The following NEK10 variants were observed in gnomAD, a reference collection of about 807,000 sequenced individuals.
The protein encoded by NEK10 is NIMA related kinase 10.
NEK10 carries 122 observed loss-of-function variants against 159.8 expected under a neutral mutation model. The observed-to-expected ratio is 0.76, with a 90% CI of 0.66 to 0.89. NEK10 has a LOEUF of 0.89. Ranked by LOEUF, NEK10 falls within the 40% of genes least tolerant of loss-of-function variation. The probability of loss-of-function intolerance (pLI) is 0.00; values close to 1 mark genes in which losing one functional copy is unlikely to be tolerated. For synonymous variants in NEK10, 466 were observed against 457.1 expected (o/e 1.02, Z -0.25); for missense variants, 1,342 against 1,323.1 (o/e 1.01, Z -0.22).
At chr3:27,325,742 G>C (rs1252367355) in intron 5 of NEK10, among the ~76,000 whole-genome samples, 1 of 152,074 alleles carries the variant, frequency 6.6e-6, no homozygotes, top group Admixed American at 6.5e-5. Context: ...TTATACTCCT[G>C]AGTGCTCATT....
intron 23 of NEK10, among the ~76,000 whole-genome samples, chr3:27,243,857 G>C (rs866141399): frequency 0.028 from 3,859 of 135,726 alleles, 170 homozygotes; most frequent in African/African-American, 0.094. Flanking sequence ...GTGTGTGTGT[G>C]TGTGTGTCTG....
intron 30 of NEK10, among the ~76,000 whole-genome samples, chr3:27,145,974 T>C (rs758213110): frequency 3.9e-5 from 6 of 152,202 alleles, no homozygotes; most frequent in Non-Finnish European, 8.8e-5. Flanking sequence ...AAGGCGCCTC[T>C]GGTTACTGCA....
chr3:27,328,846 G>A (rs1432478329), intron 5 of NEK10, among the ~76,000 whole-genome samples: 4 of 152,184 alleles, frequency 2.6e-5, no homozygotes, highest in African/African-American at 9.6e-5. Context: ...TGATGGGGAA[G>A]ACTAAAACTG....
At chr3:27,364,924 C>G (rs2048951485) in intron 1 of NEK10, among the ~76,000 whole-genome samples, 1 of 152,184 alleles carries the variant, frequency 6.6e-6, no homozygotes, top group Non-Finnish European at 1.5e-5. Context: ...GGTAGCTACC[C>G]TTACTGTCCC....
At position 27,130,547 on chromosome 3, in the gene NEK10, T is replaced by C. The variant is rs116592047; in HGVS notation, c.3081+1333A>G. Among the ~76,000 whole-genome samples the C allele has an allele frequency of 4.7e-3, 716 of 152,292 alleles. 6 individuals carry two copies. The highest frequency in any genetic ancestry group is 0.016 in the African/African-American group (680 of 41,568). On this transcript the variant is annotated intron_variant, in intron 32 of 35. Transcript: ENST00000691995. Reference sequence around the variant, plus strand: ...TGATGGAAAATCACTCAGTGGGAGTTGAAGCCACCTTTATGTCTCAGACAG... The same window carrying C: ...TGATGGAAAATCACTCAGTGGGAGTCGAAGCCACCTTTATGTCTCAGACAG...
intron 5 of NEK10, among the ~76,000 whole-genome samples, chr3:27,324,748 A>G (rs1424261266): frequency 6.6e-6 from 1 of 151,664 alleles, no homozygotes; most frequent in African/African-American, 2.4e-5. Context: ...CATTCACGTC[A>G]CTCCTCAGCC....
intron 25 of NEK10, among the ~76,000 whole-genome samples, chr3:27,194,914 A>G (rs906901606): frequency 6.6e-6 from 1 of 152,194 alleles, no homozygotes; most frequent in African/African-American, 2.4e-5. Context: ...AAAAAAATAT[A>G]TTTATTTTCT....
intron 25 of NEK10, 27 bp from the exon 26 acceptor site, chr3:27,192,269 A>T: frequency 6.4e-7 from 1 of 1,562,354 alleles, no homozygotes; most frequent in Non-Finnish European, 8.8e-7. Flanking sequence ...TAATTATAAC[A>T]CTCTGGTCAA....
chr3:27,256,907 T>A (rs1956240927), intron 22 of NEK10, among the ~76,000 whole-genome samples: 1 of 141,984 alleles, frequency 7.0e-6, no homozygotes, highest in Non-Finnish European at 1.5e-5. Flanking sequence ...TTCTCTTTTT[T>A]CTCTCTTTTT....
chr3:27,258,089 C>G (rs1426108123), intron 22 of NEK10, among the ~76,000 whole-genome samples: 3 of 152,114 alleles, frequency 2.0e-5, no homozygotes, highest in African/African-American at 7.2e-5. Flanking sequence ...AGCCTCCATG[C>G]CCGGCCTCCA....
chr3:27,158,602 A>G (rs894280905), intron 30 of NEK10, among the ~76,000 whole-genome samples: 6 of 152,228 alleles, frequency 3.9e-5, no homozygotes, highest in Admixed American at 3.9e-4. Context: ...ATAAAGTGAC[A>G]ATTTCTATTC....
At chr3:27,350,692 G>C (rs1264793307) in intron 3 of NEK10, among the ~76,000 whole-genome samples, 2 of 152,036 alleles carry the variant, frequency 1.3e-5, no homozygotes, top group East Asian at 3.8e-4. Flanking sequence ...TTGCAAATTT[G>C]AAAATTGGTT....
intron 5 of NEK10, among the ~76,000 whole-genome samples, chr3:27,343,488 A>G (rs2047343644): frequency 6.6e-6 from 1 of 152,200 alleles, no homozygotes; most frequent in African/African-American, 2.4e-5. Flanking sequence ...ACAAAGTGAC[A>G]AGGAAGATTT....
intron 19 of NEK10, among the ~76,000 whole-genome samples, chr3:27,289,738 ACACATGAACAAACT>A (rs2042867915): frequency 6.6e-6 from 1 of 152,226 alleles, no homozygotes; most frequent in African/African-American, 2.4e-5. Context: ...GACCATACAA[ACACATGAACAAACT>A]ACACATGAAC....
At chr3:27,240,522 C>G (rs1439393559) in intron 23 of NEK10, among the ~76,000 whole-genome samples, 1 of 152,160 alleles carries the variant, frequency 6.6e-6, no homozygotes, top group Non-Finnish European at 1.5e-5. Flanking sequence ...TGCTCCTTAA[C>G]AGACTAAGAA....
At chr3:27,297,713 C>T (rs927178855) in intron 13 of NEK10, among the ~76,000 whole-genome samples, 1 of 152,196 alleles carries the variant, frequency 6.6e-6, no homozygotes, top group Non-Finnish European at 1.5e-5. Flanking sequence ...AGTTACTAGA[C>T]TAGGCCACAC....
chr3:27,349,999 A>G (rs556330011), intron 3 of NEK10, among the ~76,000 whole-genome samples: 1 of 152,306 alleles, frequency 6.6e-6, no homozygotes, highest in Non-Finnish European at 1.5e-5. Context: ...CAGGGGAAGT[A>G]GCCTCGCTCC....
chr3:27,329,440 G>A (rs910931425), intron 5 of NEK10, among the ~76,000 whole-genome samples: 1 of 152,146 alleles, frequency 6.6e-6, no homozygotes, highest in Non-Finnish European at 1.5e-5. Context: ...TTGATTTTTA[G>A]CTGTGGAAAT....
At position 27,110,958 on chromosome 3, in the gene NEK10, A is replaced by C. The variant is rs912830992; in HGVS notation, c.*314T>G. ...AATGTTAAGGAAAATTCTGTAAGAG[A>C]GTTTTTTTGTTGTTGTTTTTGGGTT... is the stretch of plus-strand genomic sequence containing the variant. On this transcript the variant is annotated 3_prime_UTR_variant, in exon 36 of 36. Transcript: ENST00000691995. The C allele has an allele frequency of 4.1e-6, 1 of 242,286 alleles. No homozygotes were observed. Among genetic ancestry groups the C allele is most frequent in the Non-Finnish European group, 7.8e-6 (1 of 127,488 alleles). The allele number at this position is 242,286 out of a possible 1,614,324, so 15.0% of individuals were successfully genotyped here. A position where few individuals can be genotyped will look rare whatever the true frequency, so the allele number is the denominator to read the frequency against.
Sources: gnomAD v4.1 joint callset for allele counts (sites outside exome capture counted in the v4.1 genomes callset) on GRCh38, gnomAD v4.1.1 for gene constraint, MANE v1.5 for transcripts, NCBI Gene and HGNC (gene_info 2026-07-23, HGNC 2026-07-21) for gene names.